Variants in FBLN1 observed in about 807,000 individuals in gnomAD.
FBLN1 encodes fibulin-1.
A neutral mutation model predicts 89.7 loss-of-function variants in FBLN1; 34 were observed. The ratio of observed to expected loss-of-function variants is 0.38; its 90% CI spans 0.29 to 0.50. The LOEUF (loss-of-function observed/expected upper bound fraction) is 0.50, where lower values mean the gene tolerates loss of function less well. FBLN1 is among the 20% of genes least tolerant of loss of function. The pLI is 0.92. For missense variants in FBLN1, 777 were observed against 988.1 expected (o/e 0.79, Z 2.86); for synonymous variants, 393 against 391.3 (o/e 1.00, Z -0.05).
At chr22:45,567,010 C>A (rs557272657) in intron 14 of FBLN1, among the ~76,000 whole-genome samples, 1 of 152,202 alleles carries the variant, frequency 6.6e-6, no homozygotes, top group Admixed American at 6.5e-5. Flanking sequence ...TGCTAATATC[C>A]CCATTCCACA....
intron 2 of FBLN1, among the ~76,000 whole-genome samples, chr22:45,523,404 A>G (rs1602172872): frequency 6.6e-6 from 1 of 152,216 alleles, no homozygotes; most frequent in South Asian, 2.1e-4. Flanking sequence ...TGGATGTTGT[A>G]AATAATATTG....
chr22:45,524,313 G>A (rs1226303936), intron 2 of FBLN1, among the ~76,000 whole-genome samples: 2 of 152,168 alleles, frequency 1.3e-5, no homozygotes, highest in Non-Finnish European at 2.9e-5. Context: ...GGGTTATTTT[G>A]GGTCTGGTCA....
rs903927482 is a variant in FBLN1 at position 45,597,691 on chromosome 22, A to G, written c.1973-2616A>G. Among the ~76,000 whole-genome samples the G allele has an allele frequency of 6.6e-6, 1 of 152,118 alleles. No homozygotes were observed. The highest frequency in any genetic ancestry group is 2.4e-5 in the African/African-American group (1 of 41,416). On this transcript the variant is annotated intron_variant, in intron 16 of 16. Coordinates refer to ENST00000327858, the MANE Select transcript of FBLN1 (RefSeq NM_006486.3). The surrounding 1 kb of genome is among the most constrained non-coding windows in gnomAD (Gnocchi z 4.2). Reference sequence around the variant, plus strand: ...GGCGCACGTCTTTTGCCGGGAGCTGAAGACGTTCATGGGCTTTCAAGCAGG... The same window carrying G: ...GGCGCACGTCTTTTGCCGGGAGCTGGAGACGTTCATGGGCTTTCAAGCAGG...
At position 45,549,544 on chromosome 22, in the gene FBLN1, C is replaced by T. The variant is rs2088674953; in HGVS notation, c.1573+800C>T. Among the ~76,000 whole-genome samples the T allele has an allele frequency of 6.6e-6, 1 of 152,220 alleles. No homozygotes were observed. Among genetic ancestry groups the T allele is most frequent in the South Asian group, 2.1e-4 (1 of 4,830 alleles). On this transcript the variant is annotated intron_variant, in intron 13 of 16. Coordinates refer to ENST00000327858, the MANE Select transcript of FBLN1 (RefSeq NM_006486.3). This position sits in a 1 kb window ranked among gnomAD's most constrained non-coding sequence, Gnocchi z 5.7. ...CTTGCCCTGGGCTCTGGATGGAAGGCTGGTTGTGTCTGCATTTCTGACGGA... is the reference window on the plus strand; with the variant it reads ...CTTGCCCTGGGCTCTGGATGGAAGGTTGGTTGTGTCTGCATTTCTGACGGA...
chr22:45,593,762 T>G (rs2089159359), intron 16 of FBLN1, among the ~76,000 whole-genome samples: 1 of 152,206 alleles, frequency 6.6e-6, no homozygotes, highest in Admixed American at 6.5e-5. Context: ...GTTCCTAGAT[T>G]GTGAGGCTTC....
intron 14 of FBLN1, among the ~76,000 whole-genome samples, chr22:45,571,955 C>G (rs980519468): frequency 1.3e-5 from 2 of 151,870 alleles, no homozygotes; most frequent in Non-Finnish European, 2.9e-5. Context: ...ATGATGAAAC[C>G]CCATCTCTAC....
intron 12 of FBLN1, 44 bp downstream of exon 12, chr22:45,547,248 C>A (rs2146989533): frequency 6.2e-7 from 1 of 1,609,786 alleles, no homozygotes; most frequent in South Asian, 1.1e-5. Context: ...ACCCCCTGGT[C>A]TTGCCATGAC....
At chr22:45,566,312 G>T (rs1207747312) in intron 14 of FBLN1, among the ~76,000 whole-genome samples, 1 of 152,156 alleles carries the variant, frequency 6.6e-6, no homozygotes. Flanking sequence ...TTCTTTGCTT[G>T]TGGAACTCCC....
chr22:45,518,927 A>G (rs1003454325), intron 2 of FBLN1, 140 bp downstream of exon 2: 1 of 795,710 alleles, frequency 1.3e-6, no homozygotes, highest in East Asian at 2.7e-5. Context: ...CGGGTGCTGC[A>G]GTGGGTGACT....
intron 14 of FBLN1, among the ~76,000 whole-genome samples, chr22:45,559,430 T>G (rs2088826911): frequency 6.6e-6 from 1 of 152,192 alleles, no homozygotes; most frequent in South Asian, 2.1e-4. Flanking sequence ...ATATTGTTTT[T>G]GATTTACTGT....
Position 45,574,383 on chromosome 22 carries a change from C to G in FBLN1, c.1698-128C>G. On this transcript the variant is annotated intron_variant, in intron 14 of 16. Transcript: ENST00000327858. The surrounding 1 kb of genome is among the most constrained non-coding windows in gnomAD (Gnocchi z 4.1). ...AGGCTGCAGAGACCACTGTCGTTCT[C>G]TGATGGAGCTGTCTCTGGGACAGAT... The G allele has an allele frequency of 1.0e-6, 1 of 996,532 alleles. No individual in the cohort carries two copies. The highest frequency in any genetic ancestry group is 1.5e-6 in the Non-Finnish European group (1 of 650,488). The allele number at this position is 996,532 out of a possible 1,614,324, so 61.7% of individuals were successfully genotyped here.
chr22:45,571,799 A>G (rs1187433873), intron 14 of FBLN1, among the ~76,000 whole-genome samples: 2 of 152,186 alleles, frequency 1.3e-5, no homozygotes, highest in East Asian at 3.8e-4. Context: ...GAGCCTCCCT[A>G]GTATCCAGAC....
chr22:45,587,143 G>A (rs1393240566), intron 16 of FBLN1, among the ~76,000 whole-genome samples: 1 of 152,092 alleles, frequency 6.6e-6, no homozygotes, highest in Non-Finnish European at 1.5e-5. Context: ...ATGGCAAAAT[G>A]TGCCTGGCCA....
At position 45,562,830 on chromosome 22, in the gene FBLN1, C is replaced by T. The variant is rs760351826; in HGVS notation, c.1698-11681C>T. ...GGCGGGAGGCCCCGCCTGCCAGCCC[C>T]GCATCCCCGCGCTCTGCCGTTTCTC... On this transcript the variant is annotated intron_variant, in intron 14 of 16. Coordinates refer to ENST00000327858, the MANE Select transcript of FBLN1 (RefSeq NM_006486.3). This position sits in a 1 kb window ranked among gnomAD's most constrained non-coding sequence, Gnocchi z 7.8. 90 of 1,389,110 alleles carry T rather than the reference C, an allele frequency of 6.5e-5. No individual in the cohort carries two copies. Among genetic ancestry groups the T allele is most frequent in the Middle Eastern group, 3.6e-4 (2 of 5,604 alleles). The allele number at this position is 1,389,110 out of a possible 1,614,324, so 86.0% of individuals were successfully genotyped here.
chr22:45,541,299 C>G lies in FBLN1; in HGVS notation c.993C>G (p.Ser331=), dbSNP rs1420265286. Residue 331 remains serine (S), a synonymous_variant, in exon 9 of 17, where the codon TCC becomes TCG. Transcript: ENST00000327858. The part of the protein sequence containing the change: ...IGHTCINTEG[S]YTCQKNVPNC... ...ATACATGCATCAACACAGAGGGCTC[C>G]TACACGTGCCAGAAGAACGTGCCCA... 1.2e-6 allele frequency: 2 copies of G among 1,614,138 alleles called. No homozygotes were observed. Among genetic ancestry groups the G allele is most frequent in the African/African-American group, 1.3e-5 (1 of 74,950 alleles).
rs1341789832 is a variant in FBLN1 at position 45,557,464 on chromosome 22, A to T, written c.1697+6849A>T. Among the ~76,000 whole-genome samples, 2 of 152,122 alleles carry T rather than the reference A, an allele frequency of 1.3e-5. No individual in the cohort carries two copies. Among genetic ancestry groups the T allele is most frequent in the African/African-American group, 4.8e-5 (2 of 41,410 alleles). ...GGTCTCTGCTACTGGCGAATTGGGT[A>T]CTCAGCAGTGGCCATATCCAGGTCA... On this transcript the variant is annotated intron_variant, in intron 14 of 16. Coordinates refer to ENST00000327858, the MANE Select transcript of FBLN1 (RefSeq NM_006486.3). This position sits in a 1 kb window ranked among gnomAD's most constrained non-coding sequence, Gnocchi z 4.9.
In FBLN1 at chr22:45,532,425, A is replaced by G. The variant is rs889637885; in HGVS notation, c.545-638A>G. Reference sequence around the variant, plus strand: ...GGGAAGGAGGTGGGGTTACAGGGCCAGAGAGAGGGGCCCTAGAAGCAGGCA... The same window carrying G: ...GGGAAGGAGGTGGGGTTACAGGGCCGGAGAGAGGGGCCCTAGAAGCAGGCA... On this transcript the variant is annotated intron_variant, in intron 5 of 16. Coordinates refer to ENST00000327858, the MANE Select transcript of FBLN1 (RefSeq NM_006486.3). The surrounding 1 kb of genome is among the most constrained non-coding windows in gnomAD (Gnocchi z 4.2). Among the ~76,000 whole-genome samples, 1 of 152,114 alleles carries G rather than the reference A, an allele frequency of 6.6e-6. No individual in the cohort carries two copies. Among genetic ancestry groups the G allele is most frequent in the Non-Finnish European group, 1.5e-5 (1 of 68,002 alleles).
Position 45,575,470 on chromosome 22 carries a change from A to G in FBLN1, c.1840+817A>G, listed in dbSNP as rs2088989222. Among the ~76,000 whole-genome samples, 1 of 152,010 alleles carries G rather than the reference A, an allele frequency of 6.6e-6. No homozygotes were observed. Among genetic ancestry groups the G allele is most frequent in the Non-Finnish European group, 1.5e-5 (1 of 67,988 alleles). The stretch of plus-strand genomic sequence containing the variant: ...GAGGTGGGCTGGAAGGATAAACAGG[A>G]GGCTAAAACTGGAGTTGGGCCTTCA... On this transcript the variant is annotated intron_variant, in intron 15 of 16. Transcript: ENST00000327858. The surrounding 1 kb of genome is among the most constrained non-coding windows in gnomAD (Gnocchi z 6.3).
Position 45,577,008 on chromosome 22 carries a change from G to A in FBLN1, c.1872G>A (p.Pro624=), listed in dbSNP as rs6007093. 5,982 of 1,614,002 alleles carry A rather than the reference G, an allele frequency of 3.7e-3. 183 individuals carry two copies. In the African/African-American group the frequency reaches 0.07, roughly 19 times the overall value. ...TCTTCCTCCGGGCCATCACGCCACC[G>A]CATCCTGCCAGCCAGGCTAACATCA... The part of the protein sequence containing the change: ...EIIFLRAITP[P]HPASQANIIF... The change falls in exon 16 of 17, where the codon CCG becomes CCA. Residue 624 remains proline, a synonymous_variant. Transcript: ENST00000327858. This position sits in a 1 kb window ranked among gnomAD's most constrained non-coding sequence, Gnocchi z 6.6.
Sources: gnomAD v4.1 joint callset for allele counts (sites outside exome capture counted in the v4.1 genomes callset) on GRCh38, gnomAD v4.1.1 for gene constraint, Gnocchi (gnomAD v3.1) non-coding constraint, MANE v1.5 for transcripts, NCBI Gene and HGNC (gene_info 2026-07-23, HGNC 2026-07-21) for gene names.